The following KCNQ3 variants were observed in gnomAD, a reference collection of about 807,000 sequenced individuals.
KCNQ3 encodes potassium voltage-gated channel subfamily Q member 3, also known as potassium voltage-gated channel subfamily KQT member 3.
Under a neutral mutation model 92.5 loss-of-function variants are expected in KCNQ3, and 30 were observed. The ratio of observed to expected loss-of-function variants is 0.32; its 90% CI spans 0.24 to 0.44. The LOEUF (loss-of-function observed/expected upper bound fraction) is 0.44, where lower values mean the gene tolerates loss of function less well. Among genes scored for constraint, KCNQ3 ranks in the 20% least tolerant of loss-of-function variants. The pLI, the probability that KCNQ3 is intolerant of heterozygous loss-of-function variation, is 1.00. For missense variants in KCNQ3, 913 were observed against 1,140.3 expected (o/e 0.80, Z 2.87); for synonymous variants, 450 against 468.8 (o/e 0.96, Z 0.52).
chr8:132,453,226 G>A (rs1821862054), intron 1 of KCNQ3, among the ~76,000 whole-genome samples: 1 of 152,192 alleles, frequency 6.6e-6, no homozygotes, highest in Non-Finnish European at 1.5e-5. Context: ...TGGATCATCT[G>A]GGGCCTGTTG....
chr8:132,276,139 C>A (rs547704227), intron 1 of KCNQ3, among the ~76,000 whole-genome samples: 3 of 152,176 alleles, frequency 2.0e-5, no homozygotes, highest in East Asian at 1.9e-4. Flanking sequence ...GGCAAAGGAG[C>A]CAAATCGTAC....
intron 1 of KCNQ3, among the ~76,000 whole-genome samples, chr8:132,360,533 G>A (rs1188245684): frequency 6.6e-6 from 1 of 152,312 alleles, no homozygotes; most frequent in Admixed American, 6.5e-5. Flanking sequence ...GTGAAGGAAT[G>A]CACTTTCAAC....
chr8:132,217,471 G>A (rs904172412), intron 1 of KCNQ3, among the ~76,000 whole-genome samples: 1 of 152,110 alleles, frequency 6.6e-6, no homozygotes, highest in Non-Finnish European at 1.5e-5. Flanking sequence ...AGCACTTTGG[G>A]AGGCCGAGGT....
intron 1 of KCNQ3, among the ~76,000 whole-genome samples, chr8:132,215,670 T>A (rs920975687): frequency 3.3e-5 from 5 of 152,192 alleles, no homozygotes; most frequent in African/African-American, 9.6e-5. Flanking sequence ...CATGAGTTAC[T>A]GGAATTGCTT....
At chr8:132,287,185 A>G (rs1252694179) in intron 1 of KCNQ3, among the ~76,000 whole-genome samples, 1 of 152,228 alleles carries the variant, frequency 6.6e-6, no homozygotes, top group Admixed American at 6.5e-5. Flanking sequence ...TTGAGATTTT[A>G]TAGAATTATT....
chr8:132,167,397 G>C (rs993793213), intron 8 of KCNQ3, among the ~76,000 whole-genome samples: 1 of 152,154 alleles, frequency 6.6e-6, no homozygotes, highest in Non-Finnish European at 1.5e-5. Flanking sequence ...CCACTGAACT[G>C]TTCACTTTAA....
intron 9 of KCNQ3, among the ~76,000 whole-genome samples, chr8:132,155,369 A>T (rs1002580025): frequency 3.9e-5 from 6 of 152,068 alleles, no homozygotes; most frequent in African/African-American, 1.4e-4. Context: ...ATCTAGGTTG[A>T]TCTGACTCCT....
At chr8:132,256,252 G>A (rs4428655) in intron 1 of KCNQ3, among the ~76,000 whole-genome samples, 66,414 of 151,828 alleles carry the variant, frequency 0.44, 16,841 homozygotes, top group East Asian at 0.68. Context: ...TGCTTGAGCT[G>A]GAAGAATAAA....
intron 4 of KCNQ3, among the ~76,000 whole-genome samples, chr8:132,176,615 A>G (rs768156524): frequency 1.8e-4 from 28 of 152,338 alleles, no homozygotes; most frequent in Middle Eastern, 6.8e-3. Flanking sequence ...TCTTCCTGAC[A>G]GGGTTGCTTC....
intron 1 of KCNQ3, among the ~76,000 whole-genome samples, chr8:132,244,003 G>C (rs1815078287): frequency 2.6e-5 from 4 of 152,176 alleles, no homozygotes; most frequent in Admixed American, 2.6e-4. Flanking sequence ...AGGAAAGCTA[G>C]TGCTTAGCAG....
At chr8:132,317,440 C>T (rs1486634724) in intron 1 of KCNQ3, among the ~76,000 whole-genome samples, 1 of 152,216 alleles carries the variant, frequency 6.6e-6, no homozygotes, top group African/African-American at 2.4e-5. Context: ...AGACCACTAG[C>T]TCACATACTA....
chr8:132,447,636 T>A (rs928304934), intron 1 of KCNQ3, among the ~76,000 whole-genome samples: 1 of 152,052 alleles, frequency 6.6e-6, no homozygotes. Flanking sequence ...TCAATAGAAG[T>A]GCCTAAAGTT....
intron 1 of KCNQ3, among the ~76,000 whole-genome samples, chr8:132,287,477 A>C (rs912384146): frequency 1.3e-5 from 2 of 152,248 alleles, no homozygotes; most frequent in Non-Finnish European, 2.9e-5. Flanking sequence ...AAATATTCAC[A>C]AAAGTACTAT....
At chr8:132,275,841 T>C (rs762911201) in intron 1 of KCNQ3, among the ~76,000 whole-genome samples, 1 of 151,132 alleles carries the variant, frequency 6.6e-6, no homozygotes, top group Non-Finnish European at 1.5e-5. Context: ...CCTCCCAAAG[T>C]GCTGGGATTA....
chr8:132,126,788 T>C lies in KCNQ3; in HGVS notation c.*2474A>G, dbSNP rs1824685618. 6.6e-6 allele frequency: 1 copy of C among 152,180 alleles called. No homozygotes were observed. The highest frequency in any genetic ancestry group is 1.5e-5 in the Non-Finnish European group (1 of 68,040). 9.4% of individuals were successfully genotyped at this position (152,180 alleles called of 1,614,324 possible). A position where few individuals can be genotyped will look rare whatever the true frequency, so the allele number is the denominator to read the frequency against. On this transcript the variant is annotated 3_prime_UTR_variant, in exon 15 of 15. Coordinates refer to ENST00000388996, the MANE Select transcript of KCNQ3 (RefSeq NM_004519.4). ...TCTAGGTTATTAAAAGAATCTAAGG[T>C]AGTTCCTCCAATTTTGGATCAATGG... is the stretch of plus-strand genomic sequence containing the variant.
At chr8:132,429,305 A>C (rs1257478586) in intron 1 of KCNQ3, among the ~76,000 whole-genome samples, 3 of 152,168 alleles carry the variant, frequency 2.0e-5, no homozygotes, top group Non-Finnish European at 4.4e-5. Context: ...ATACATGTGC[A>C]CTGAATGAAT....
In KCNQ3 at chr8:132,129,223, C is replaced by A; in HGVS notation, c.*39G>T. ...TAAGAGTAAGTGAACTATACAAAGTCTGTCTACATTACAAGGAGGGGTCAG... is the reference window on the plus strand; with the variant it reads ...TAAGAGTAAGTGAACTATACAAAGTATGTCTACATTACAAGGAGGGGTCAG... On this transcript the variant is annotated 3_prime_UTR_variant, in exon 15 of 15. Coordinates refer to ENST00000388996, the MANE Select transcript of KCNQ3 (RefSeq NM_004519.4). This position sits in a 1 kb window ranked among gnomAD's most constrained non-coding sequence, Gnocchi z 5.9. 6.2e-7 allele frequency: 1 copy of A among 1,601,226 alleles called. No individual in the cohort carries two copies. Among genetic ancestry groups the A allele is most frequent in the South Asian group, 1.1e-5 (1 of 90,966 alleles).
intron 1 of KCNQ3, among the ~76,000 whole-genome samples, chr8:132,186,927 T>TGAGA (rs1259312197): frequency 1.2e-4 from 10 of 85,164 alleles, no homozygotes; most frequent in South Asian, 3.7e-4. Context: ...TGTGTGTGTG[T>TGAGA]GTGTGTGAGA....
chr8:132,427,445 G>C (rs1821140233), intron 1 of KCNQ3, among the ~76,000 whole-genome samples: 1 of 152,228 alleles, frequency 6.6e-6, no homozygotes, highest in African/African-American at 2.4e-5. Flanking sequence ...TCAGGAAGGA[G>C]AGAGAAGAAA....
Sources: gnomAD v4.1 joint callset for allele counts (sites outside exome capture counted in the v4.1 genomes callset) on GRCh38, gnomAD v4.1.1 for gene constraint, Gnocchi (gnomAD v3.1) non-coding constraint, MANE v1.5 for transcripts, NCBI Gene and HGNC (gene_info 2026-07-23, HGNC 2026-07-21) for gene names.